PCDHGB1: variants seen among roughly 807,000 people sequenced by gnomAD.
The protein encoded by PCDHGB1 is protocadherin gamma subfamily B, 1.
Under a neutral mutation model 56.6 loss-of-function variants are expected in PCDHGB1, and 34 were observed. That is an observed-to-expected ratio of 0.60 (90% CI 0.46 to 0.80). PCDHGB1 has a LOEUF of 0.80. Ranked by LOEUF, PCDHGB1 falls within the 30% of genes least tolerant of loss-of-function variation. PCDHGB1 has a pLI of 0.00. For missense variants in PCDHGB1, 1,278 were observed against 1,204.6 expected (o/e 1.06, Z -0.90); for synonymous variants, 561 against 505.9 (o/e 1.11, Z -1.46).
Position 141,425,952 on chromosome 5 carries a change from T to C in PCDHGB1, c.2410-68855T>C, listed in dbSNP as rs1047436598. 3.9e-5 allele frequency among the ~76,000 whole-genome samples: 6 copies of C among 152,364 alleles called. No individual in the cohort carries two copies. In the South Asian group the frequency reaches 8.3e-4, roughly 21 times the overall value. ...ATAAAATGTCTAGTTTCCTATACATTAGTCCAACACATCAGTCTAATTCTG... is the reference window on the plus strand; with the variant it reads ...ATAAAATGTCTAGTTTCCTATACATCAGTCCAACACATCAGTCTAATTCTG... On this transcript the variant is annotated intron_variant, in intron 1 of 3. Coordinates refer to ENST00000523390, the MANE Select transcript of PCDHGB1 (RefSeq NM_018922.3).
At chr5:141,481,472 A>G (rs2099538174) in intron 1 of PCDHGB1, among the ~76,000 whole-genome samples, 1 of 152,246 alleles carries the variant, frequency 6.6e-6, no homozygotes, top group Non-Finnish European at 1.5e-5. Context: ...CCATTGGATT[A>G]TACACTTTAA....
rs762196264 is a variant in PCDHGB1, at chr5:141,364,884, G to A, written c.2409+12215G>A. The stretch of plus-strand genomic sequence containing the variant: ...CACTTCTCTCTGGATGTGGTAAGCG[G>A]AACTGATGGACAAAAGTATCCGGAG... On this transcript the variant is annotated intron_variant, in intron 1 of 3. Transcript: ENST00000523390. 1.9e-6 allele frequency: 3 copies of A among 1,613,884 alleles called. No individual in the cohort carries two copies. The Admixed American group carries it at 5.0e-5, about 27-fold the overall frequency.
At chr5:141,393,504 A>G (rs369406530) in intron 1 of PCDHGB1, 1 of 1,614,036 alleles carries the variant, frequency 6.2e-7, no homozygotes, top group African/African-American at 1.3e-5. Flanking sequence ...CATCCACGTG[A>G]CAGTGTTGGA....
At chr5:141,367,247 T>C (rs1765012558) in intron 1 of PCDHGB1, 1 of 153,262 alleles carries the variant, frequency 6.5e-6, no homozygotes, top group South Asian at 2.0e-4. Context: ...GTCATAAATA[T>C]CAGAAAAGAG....
At chr5:141,498,361 T>C (rs1256361883) in intron 2 of PCDHGB1, among the ~76,000 whole-genome samples, 1 of 151,460 alleles carries the variant, frequency 6.6e-6, no homozygotes, top group African/African-American at 2.4e-5. Flanking sequence ...GCAAAAGCCT[T>C]GTGGTGAGGC....
intron 1 of PCDHGB1, chr5:141,356,663 C>G (rs1181592244): frequency 6.2e-7 from 1 of 1,614,054 alleles, no homozygotes; most frequent in Admixed American, 1.7e-5. Context: ...GCCCGAATCA[C>G]TTACTCCCTG....
At chr5:141,402,392 C>A (rs1271100750) in intron 1 of PCDHGB1, among the ~76,000 whole-genome samples, 1 of 151,714 alleles carries the variant, frequency 6.6e-6, no homozygotes, top group African/African-American at 2.4e-5. Flanking sequence ...AAAATTACTT[C>A]AGAAAATTGT....
chr5:141,393,745 A>T, intron 1 of PCDHGB1: 1 of 1,613,898 alleles, frequency 6.2e-7, no homozygotes. Context: ...GATTATGAAG[A>T]ATGTTCATTT....
Position 141,490,162 on chromosome 5 carries a change from A to C in PCDHGB1, c.2410-4645A>C. ...TGGGGCAATCCATGTGTTGGGTCCC[A>C]TAGACTTTGAGGAGTCACGTTTCTA... On this transcript the variant is annotated intron_variant, in intron 1 of 3. Coordinates refer to ENST00000523390, the MANE Select transcript of PCDHGB1 (RefSeq NM_018922.3). The surrounding 1 kb of genome is among the most constrained non-coding windows in gnomAD (Gnocchi z 5.4). The C allele has an allele frequency of 6.2e-7, 1 of 1,614,218 alleles. No individual in the cohort carries two copies. The highest frequency in any genetic ancestry group is 8.5e-7 in the Non-Finnish European group (1 of 1,180,028).
In PCDHGB1 at chr5:141,357,372, G is replaced by A. The variant is rs1209797012; in HGVS notation, c.2409+4703G>A. On this transcript the variant is annotated intron_variant, in intron 1 of 3. Transcript: ENST00000523390. The stretch of plus-strand genomic sequence containing the variant: ...TGAGACGCTGGCACAAGTCACGCCT[G>A]CTTCACGCTGAAGGCAGCAGGTTGG... The A allele has an allele frequency of 3.7e-6, 6 of 1,614,086 alleles. No individual in the cohort carries two copies. The Admixed American group carries it at 8.3e-5, about 22-fold the overall frequency.
Position 141,403,721 on chromosome 5 carries a change from C to T in PCDHGB1, c.2409+51052C>T, listed in dbSNP as rs748888364. On this transcript the variant is annotated intron_variant, in intron 1 of 3. Coordinates refer to ENST00000523390, the MANE Select transcript of PCDHGB1 (RefSeq NM_018922.3). ...AGTTAAAGTCCTTGAGAACGTGCCC[C>T]CAGGCACCTGGCTGCTTACTGCAAC... 5 of 1,613,754 alleles carry T rather than the reference C, an allele frequency of 3.1e-6. No individual in the cohort carries two copies. The highest frequency in any genetic ancestry group is 2.2e-5 in the East Asian group (1 of 44,878).
intron 1 of PCDHGB1, chr5:141,375,350 A>C (rs1442876922): frequency 1.2e-6 from 2 of 1,613,744 alleles, no homozygotes; most frequent in African/African-American, 1.3e-5. Context: ...CATCACTGTG[A>C]CAGCCACGGA....
chr5:141,404,261 C>G, intron 1 of PCDHGB1: 1 of 1,613,950 alleles, frequency 6.2e-7, no homozygotes. Flanking sequence ...CACAGAAATT[C>G]ACATCACCCT....
intron 1 of PCDHGB1, chr5:141,421,683 A>G (rs1238944281): frequency 1.2e-6 from 2 of 1,613,758 alleles, no homozygotes; most frequent in African/African-American, 1.3e-5. Flanking sequence ...CTGGGGCGCG[A>G]TTTGCTCTTC....
chr5:141,431,830 C>G lies in PCDHGB1; in HGVS notation c.2410-62977C>G, dbSNP rs1354008481. 1 of 1,614,078 alleles carries G rather than the reference C, an allele frequency of 6.2e-7. No homozygotes were observed. The highest frequency in any genetic ancestry group is 8.5e-7 in the Non-Finnish European group (1 of 1,180,034). The stretch of plus-strand genomic sequence containing the variant: ...TCACCTCTCTCGCCAGCTCGGTTCC[C>G]GAAAACTCTCCCAGAGGGACATTAA... On this transcript the variant is annotated intron_variant, in intron 1 of 3. Coordinates refer to ENST00000523390, the MANE Select transcript of PCDHGB1 (RefSeq NM_018922.3). This position sits in a 1 kb window ranked among gnomAD's most constrained non-coding sequence, Gnocchi z 4.8.
intron 1 of PCDHGB1, among the ~76,000 whole-genome samples, chr5:141,474,763 A>G (rs2099354251): frequency 6.6e-6 from 1 of 152,254 alleles, no homozygotes; most frequent in Non-Finnish European, 1.5e-5. Flanking sequence ...ATATACAGAA[A>G]TAGTATGAGG....
At chr5:141,357,222 C>G in intron 1 of PCDHGB1, 1 of 1,613,872 alleles carries the variant, frequency 6.2e-7, no homozygotes, top group Non-Finnish European at 8.5e-7. Context: ...TCCTGGCTGA[C>G]TTGGGCAGCC....
intron 1 of PCDHGB1, among the ~76,000 whole-genome samples, chr5:141,464,301 T>A (rs1237581605): frequency 6.6e-6 from 1 of 150,782 alleles, no homozygotes; most frequent in Non-Finnish European, 1.5e-5. Flanking sequence ...CTCCATTGTA[T>A]GTGCACATAT....
intron 1 of PCDHGB1, chr5:141,367,007 C>A: frequency 2.3e-6 from 1 of 430,082 alleles, no homozygotes; most frequent in Non-Finnish European, 4.0e-6. Context: ...TCATTTTACC[C>A]AAATATTTTG....
Sources: allele counts gnomAD v4.1 joint callset (sites outside exome capture counted in the v4.1 genomes callset), GRCh38; gene constraint gnomAD v4.1.1; non-coding constraint Gnocchi (gnomAD v3.1); transcripts MANE v1.5; gene names NCBI Gene and HGNC (gene_info 2026-07-23, HGNC 2026-07-21).